The following GRIK2 variants were observed in gnomAD, a reference collection of about 807,000 sequenced individuals.
GRIK2 encodes glutamate ionotropic receptor kainate type subunit 2, also known as glutamate receptor ionotropic, kainate 2.
In GRIK2, 32 loss-of-function variants were observed where a neutral mutation model predicts 100.3. That is an observed-to-expected ratio of 0.32 (90% CI 0.24 to 0.43). GRIK2 has a LOEUF of 0.43. Among genes scored for constraint, GRIK2 ranks in the 20% least tolerant of loss-of-function variants. The probability of loss-of-function intolerance (pLI) is 1.00; values close to 1 mark genes in which losing one functional copy is unlikely to be tolerated. For synonymous variants in GRIK2, 417 were observed against 389.4 expected, an observed-to-expected ratio of 1.07 and a Z score of -0.83; for missense variants, 843 against 1,114.9, an observed-to-expected ratio of 0.76 and a Z score of 3.47.
chr6:101,968,712 C>T (rs920602809), intron 14 of GRIK2, among the ~76,000 whole-genome samples: 2 of 151,876 alleles, frequency 1.3e-5, no homozygotes, highest in Non-Finnish European at 2.9e-5. Flanking sequence ...ACTTGGTAAA[C>T]ATAAATCACA....
chr6:101,668,404 TCTC>T (rs1374343639), intron 4 of GRIK2, among the ~76,000 whole-genome samples: 1 of 152,160 alleles, frequency 6.6e-6, no homozygotes, highest in African/African-American at 2.4e-5. Context: ...TTAGCTCTCT[TCTC>T]TATTTTTACA....
At chr6:101,609,749 A>G (rs1284275031) in intron 2 of GRIK2, among the ~76,000 whole-genome samples, 1 of 151,838 alleles carries the variant, frequency 6.6e-6, no homozygotes, top group African/African-American at 2.4e-5. Context: ...AAAGAAGAGT[A>G]AGCCATCAAA....
chr6:101,420,343 C>T (rs991796397), intron 2 of GRIK2, among the ~76,000 whole-genome samples: 2 of 152,058 alleles, frequency 1.3e-5, no homozygotes, highest in African/African-American at 4.8e-5. Context: ...AATATAAATA[C>T]CTACATTATA....
chr6:101,686,535 A>G (rs1771715269), intron 7 of GRIK2, among the ~76,000 whole-genome samples, 182 bp downstream of exon 7: 2 of 152,146 alleles, frequency 1.3e-5, no homozygotes, highest in African/African-American at 4.8e-5. Context: ...TTTTATATGA[A>G]AAGCTTATGC....
At chr6:101,959,788 AT>A (rs529180955) in intron 14 of GRIK2, among the ~76,000 whole-genome samples, 2 of 151,870 alleles carry the variant, frequency 1.3e-5, no homozygotes, top group Non-Finnish European at 2.9e-5. Flanking sequence ...TGCTTTTAGG[AT>A]TTTTTTCCTT....
intron 7 of GRIK2, among the ~76,000 whole-genome samples, chr6:101,739,775 G>GT (rs1326538272): frequency 6.6e-6 from 1 of 152,024 alleles, no homozygotes; most frequent in Non-Finnish European, 1.5e-5. Flanking sequence ...GCAGGCCCCT[G>GT]TGCTATCCTG....
chr6:101,422,244 C>T (rs888810576), intron 2 of GRIK2, among the ~76,000 whole-genome samples: 1 of 152,126 alleles, frequency 6.6e-6, no homozygotes, highest in Non-Finnish European at 1.5e-5. Flanking sequence ...TCTGCTTTAA[C>T]TGAGGGGGAG....
chr6:101,503,375 G>T (rs1302501677), intron 2 of GRIK2, among the ~76,000 whole-genome samples: 1 of 152,022 alleles, frequency 6.6e-6, no homozygotes, highest in Non-Finnish European at 1.5e-5. Flanking sequence ...AAGAAGGGGG[G>T]AAAGAGGCAC....
intron 7 of GRIK2, among the ~76,000 whole-genome samples, chr6:101,779,971 G>T (rs893252933): frequency 6.6e-6 from 1 of 151,966 alleles, no homozygotes; most frequent in Non-Finnish European, 1.5e-5. Context: ...CTTAGCTTTT[G>T]TCTTGCCTTT....
chr6:101,904,065 C>CT (rs1166729255), intron 12 of GRIK2, among the ~76,000 whole-genome samples: 77 of 144,856 alleles, frequency 5.3e-4, no homozygotes, highest in African/African-American at 1.0e-3. Context: ...GCCATGGGGC[C>CT]TTTTTTTTTT....
intron 2 of GRIK2, among the ~76,000 whole-genome samples, chr6:101,464,366 T>C (rs1771500689): frequency 6.6e-6 from 1 of 152,126 alleles, no homozygotes; most frequent in Non-Finnish European, 1.5e-5. Flanking sequence ...ACTTTCTACT[T>C]CATATTTTAG....
At chr6:101,402,871 C>T (rs940210856) in intron 2 of GRIK2, among the ~76,000 whole-genome samples, 1 of 152,238 alleles carries the variant, frequency 6.6e-6, no homozygotes, top group Non-Finnish European at 1.5e-5. Flanking sequence ...CCCGGCCTTG[C>T]CCGCCCCAGG....
intron 2 of GRIK2, among the ~76,000 whole-genome samples, chr6:101,554,464 GAT>G (rs67465718): frequency 0.15 from 22,152 of 152,048 alleles, 1,814 homozygotes; most frequent in South Asian, 0.31. Context: ...TATTTTAAAA[GAT>G]ATGTGTGTTA....
chr6:102,063,880 T>C (rs1423332314), intron 16 of GRIK2: 3 of 654,974 alleles, frequency 4.6e-6, no homozygotes, highest in Non-Finnish European at 8.2e-6. Flanking sequence ...TAATTAAATA[T>C]AATGAATTTT....
chr6:101,512,643 T>C (rs1223584474), intron 2 of GRIK2, among the ~76,000 whole-genome samples: 1 of 152,096 alleles, frequency 6.6e-6, no homozygotes, highest in Non-Finnish European at 1.5e-5. Context: ...AAACATCCAC[T>C]TTTACGACAT....
chr6:102,060,851 G>A (rs1265180664), intron 16 of GRIK2, among the ~76,000 whole-genome samples: 2 of 150,260 alleles, frequency 1.3e-5, no homozygotes, highest in African/African-American at 4.9e-5. Context: ...CTTAAAATGC[G>A]TTTCACAGCT....
At chr6:101,763,683 A>G (rs939447384) in intron 7 of GRIK2, among the ~76,000 whole-genome samples, 8 of 152,210 alleles carry the variant, frequency 5.3e-5, no homozygotes, top group Non-Finnish European at 8.8e-5. Flanking sequence ...GAAAAATAAC[A>G]TATTCCTGTT....
In GRIK2 at chr6:101,752,877, C is replaced by T. The variant is rs114295520; in HGVS notation, c.952-46771C>T. Among the ~76,000 whole-genome samples the T allele has an allele frequency of 4.6e-3, 696 of 152,176 alleles. 7 individuals are homozygous for T. The highest frequency in any genetic ancestry group is 0.016 in the African/African-American group (666 of 41,478). ...TGAAAATACTGTAGATGTATTTCCA[C>T]AAATCTCCGAAAGAGAAAATATTGT... is the stretch of plus-strand genomic sequence containing the variant. On this transcript the variant is annotated intron_variant, in intron 7 of 16. Coordinates refer to ENST00000369134, the MANE Select transcript of GRIK2 (RefSeq NM_021956.5).
chr6:101,776,375 CAT>C (rs1461146025), intron 7 of GRIK2, among the ~76,000 whole-genome samples: 1 of 152,016 alleles, frequency 6.6e-6, no homozygotes, highest in Non-Finnish European at 1.5e-5. Flanking sequence ...GAGAGACAGA[CAT>C]ATGTAGAATG....
Sources: allele counts gnomAD v4.1 joint callset (sites outside exome capture counted in the v4.1 genomes callset), GRCh38; gene constraint gnomAD v4.1.1; transcripts MANE v1.5; gene names NCBI Gene and HGNC (gene_info 2026-07-23, HGNC 2026-07-21).